Variants in EXOSC2 observed in about 807,000 individuals in gnomAD.
EXOSC2 encodes exosome complex component RRP4.
In EXOSC2, 29 loss-of-function variants were observed where a neutral mutation model predicts 37.6. The ratio of observed to expected loss-of-function variants is 0.77; its 90% CI spans 0.57 to 1.05. EXOSC2 has a LOEUF of 1.05. Ranked by LOEUF, EXOSC2 falls within the 50% of genes least tolerant of loss-of-function variation. The pLI, the probability that EXOSC2 is intolerant of heterozygous loss-of-function variation, is 0.00. For missense variants in EXOSC2, 346 were observed against 365.6 expected (o/e 0.95, Z 0.44); for synonymous variants, 119 against 131.1 (o/e 0.91, Z 0.63).
chr9:130,702,156 A>G lies in EXOSC2; in HGVS notation c.518A>G (p.Gln173Arg). Residue 173 changes from glutamine (Q) to arginine (R), a missense_variant, in exon 7 of 9, where the codon CAG (glutamine) becomes CGG (arginine). Gln to Arg is a conservative substitution (Grantham distance 43). Coordinates refer to ENST00000372358, the MANE Select transcript of EXOSC2 (RefSeq NM_014285.7). ...YGKLGQGVLVQVSPSLVKRQK... is the reference protein window; with the variant it reads ...YGKLGQGVLVRVSPSLVKRQK... The stretch of plus-strand genomic sequence containing the variant: ...TAGCTAGGTCAGGGGGTTTTGGTCC[A>G]GGTTTCCCCCTCCCTGGTGAAACGG... The G allele has an allele frequency of 1.9e-6, 3 of 1,614,086 alleles. No individual in the cohort carries two copies. The Middle Eastern group carries it at 5.0e-4, about 267-fold the overall frequency.
At chr9:130,697,749 G>T in intron 3 of EXOSC2, 122 bp downstream of exon 3, 1 of 899,752 alleles carries the variant, frequency 1.1e-6, no homozygotes, top group Non-Finnish European at 1.9e-6. Flanking sequence ...CCGTTGTGTG[G>T]CTTCTGATGT....
intron 7 of EXOSC2, 82 bp downstream of exon 7, chr9:130,702,392 G>C: frequency 8.1e-7 from 1 of 1,241,686 alleles, no homozygotes; most frequent in Non-Finnish European, 1.1e-6. Flanking sequence ...GAAGTTGGTT[G>C]TTTTTAGCTA....
chr9:130,693,912 C>A lies in EXOSC2; in HGVS notation c.121C>A (p.Arg41=). The A allele has an allele frequency of 6.2e-7, 1 of 1,603,594 alleles. No individual in the cohort carries two copies. Among genetic ancestry groups the A allele is most frequent in the Non-Finnish European group, 8.5e-7 (1 of 1,172,686 alleles). ...AATCACTACGGACACAGGATTCATG[C>A]GGTACGTGGGGACTTGGGGGAGTCG... ...DTITTDTGFM[R]GHGTYMGEEK... The change falls in exon 1 of 9, where the codon CGG becomes AGG. Residue 41 remains arginine, a splice_region_variant and synonymous_variant. Transcript: ENST00000372358.
At chr9:130,703,641 G>A in intron 8 of EXOSC2, 53 bp from the exon 9 acceptor site, 1 of 1,386,708 alleles carries the variant, frequency 7.2e-7, no homozygotes, top group Non-Finnish European at 1.0e-6. Flanking sequence ...TTGGCTTGGT[G>A]GTCTGTTTAT....
At chr9:130,700,507 G>A (rs1453463321) in intron 5 of EXOSC2, among the ~76,000 whole-genome samples, 1 of 151,528 alleles carries the variant, frequency 6.6e-6, no homozygotes, top group Non-Finnish European at 1.5e-5. Flanking sequence ...TTACAGGCAT[G>A]CGCCACTATG....
At chr9:130,695,133 A>G (rs1297405413) in intron 1 of EXOSC2, among the ~76,000 whole-genome samples, 1 of 152,192 alleles carries the variant, frequency 6.6e-6, no homozygotes, top group Non-Finnish European at 1.5e-5. Context: ...GGAGAGATAG[A>G]TAATAAGCGC....
chr9:130,701,178 T>G (rs1831208290), intron 6 of EXOSC2: 1 of 430,058 alleles, frequency 2.3e-6, no homozygotes, highest in Admixed American at 3.9e-5. Flanking sequence ...GAGACTGACT[T>G]TCACCAGAAG....
At position 130,703,084 on chromosome 9, in the gene EXOSC2, C is replaced by A; in HGVS notation, c.704C>A (p.Ser235Tyr). The A allele has an allele frequency of 6.2e-7, 1 of 1,613,840 alleles. No individual in the cohort carries two copies. ...PVSLADREVI[S>Y]RLRNCIISLV... ...TCTCTTGCTGATCGAGAGGTGATAT[C>A]CCGGCTTCGGAACTGCATCATCTCG... The change falls in exon 8 of 9, where the codon TCC becomes TAC. Residue 235 changes from serine to tyrosine, a missense_variant. Transcript: ENST00000372358.
rs372270213 is a variant in EXOSC2, at chr9:130,698,262, C to T, written c.360+11C>T. 1.4e-5 allele frequency: 23 copies of T among 1,612,998 alleles called. No homozygotes were observed. Among genetic ancestry groups the T allele is most frequent in the Non-Finnish European group, 1.8e-5 (21 of 1,179,588 alleles). On this transcript the variant is annotated intron_variant, in intron 4 of 8. Transcript: ENST00000372358. This position sits in a 1 kb window ranked among gnomAD's most constrained non-coding sequence, Gnocchi z 4.1. ...CCTGGAGGAGAGCTGGTAAGGGCTA[C>T]AGCTGGGGCCATGGACTAGGGCCCA...
rs1385429739 is a variant in EXOSC2, at chr9:130,694,183, C to T, written c.122+270C>T. On this transcript the variant is annotated intron_variant, in intron 1 of 8. Transcript: ENST00000372358. This position sits in a 1 kb window ranked among gnomAD's most constrained non-coding sequence, Gnocchi z 4.0. Reference sequence around the variant, plus strand: ...TGGGTCTTCTGCCTGAAGTCCAAATCTTTGATCCTTCCTTGTGGGAGACCT... The same window carrying T: ...TGGGTCTTCTGCCTGAAGTCCAAATTTTTGATCCTTCCTTGTGGGAGACCT... 6.6e-6 allele frequency among the ~76,000 whole-genome samples: 1 copy of T among 152,120 alleles called. No homozygotes were observed. Among genetic ancestry groups the T allele is most frequent in the African/African-American group, 2.4e-5 (1 of 41,428 alleles).
Position 130,698,646 on chromosome 9 carries a change from G to GT in EXOSC2, c.360+396dup, listed in dbSNP as rs771787722. Among the ~76,000 whole-genome samples the GT allele has an allele frequency of 2.6e-5, 4 of 152,204 alleles. No homozygotes were observed. Among genetic ancestry groups the GT allele is most frequent in the Non-Finnish European group, 2.9e-5 (2 of 68,036 alleles). On this transcript the variant is annotated intron_variant, in intron 4 of 8. Transcript: ENST00000372358. The surrounding 1 kb of genome is among the most constrained non-coding windows in gnomAD (Gnocchi z 4.1). ...CATTTCATTCAACCATGTGTGGAAT[G>GT]TGGTTGCTGGCATTCCAGACAACCA...
intron 2 of EXOSC2, 34 bp from the exon 3 acceptor site, chr9:130,697,548 C>T (rs752145475): frequency 6.2e-7 from 1 of 1,610,756 alleles, no homozygotes; most frequent in Non-Finnish European, 8.5e-7. Context: ...AGTCTGCTCA[C>T]AGATGGATGA....
At chr9:130,702,642 T>G (rs1447062131) in intron 7 of EXOSC2, among the ~76,000 whole-genome samples, 2 of 152,170 alleles carry the variant, frequency 1.3e-5, no homozygotes, top group African/African-American at 4.8e-5. Flanking sequence ...TCGCCCAGGC[T>G]GGAGTGCAGT....
rs1235101128 is a variant in EXOSC2 at position 130,694,542 on chromosome 9, G to A, written c.122+629G>A. ...AATAACAGTATGATACGGTAATGAG[G>A]ATTAAATGAGACAATTATGTAAGAA... is the stretch of plus-strand genomic sequence containing the variant. On this transcript the variant is annotated intron_variant, in intron 1 of 8. Transcript: ENST00000372358. This position sits in a 1 kb window ranked among gnomAD's most constrained non-coding sequence, Gnocchi z 4.0. 6.6e-6 allele frequency among the ~76,000 whole-genome samples: 1 copy of A among 152,064 alleles called. No individual in the cohort carries two copies. Among genetic ancestry groups the A allele is most frequent in the Non-Finnish European group, 1.5e-5 (1 of 67,998 alleles).
Position 130,695,558 on chromosome 9 carries a change from A to G in EXOSC2, c.189A>G (p.Val63=). ...CTGTTGCTGGCTCTGTGGAGAGAGTAAACAAGTTGATCTGTGTGAAAGCTT... is the reference window on the plus strand; with the variant it reads ...CTGTTGCTGGCTCTGTGGAGAGAGTGAACAAGTTGATCTGTGTGAAAGCTT... ...IASVAGSVER[V]NKLICVKALK... Residue 63 remains valine (V), a synonymous_variant, in exon 2 of 9, where the codon GTA becomes GTG. Coordinates refer to ENST00000372358, the MANE Select transcript of EXOSC2 (RefSeq NM_014285.7). 6.2e-7 allele frequency: 1 copy of G among 1,614,196 alleles called. No individual in the cohort carries two copies. Among genetic ancestry groups the G allele is most frequent in the Non-Finnish European group, 8.5e-7 (1 of 1,180,014 alleles).
Position 130,699,572 on chromosome 9 carries a change from C to T in EXOSC2, c.426+178C>T. ...GTCTCCTTAATTCAGGCTGACTCCC[C>T]AGCTCTTGTTGGGACCTGCTGCTAA... On this transcript the variant is annotated intron_variant, in intron 5 of 8. Coordinates refer to ENST00000372358, the MANE Select transcript of EXOSC2 (RefSeq NM_014285.7). 6.0e-6 allele frequency: 4 copies of T among 661,538 alleles called. No individual in the cohort carries two copies. The South Asian group carries it at 7.5e-5, about 12-fold the overall frequency. The allele number at this position is 661,538 out of a possible 1,614,324, so 41.0% of individuals were successfully genotyped here.
chr9:130,697,755 G>A (rs1476748470), intron 3 of EXOSC2, 128 bp downstream of exon 3: 2 of 854,222 alleles, frequency 2.3e-6, no homozygotes, highest in Non-Finnish European at 4.0e-6. Flanking sequence ...TGTGGCTTCT[G>A]ATGTAAATAT....
intron 8 of EXOSC2, 59 bp from the exon 9 acceptor site, chr9:130,703,635 C>A: frequency 1.5e-6 from 2 of 1,332,884 alleles, no homozygotes; most frequent in Non-Finnish European, 2.1e-6. Flanking sequence ...TTTGGATTGG[C>A]TTGGTGGTCT....
intron 5 of EXOSC2, among the ~76,000 whole-genome samples, chr9:130,699,984 G>A (rs554307092): frequency 1.2e-4 from 18 of 152,276 alleles, no homozygotes; most frequent in African/African-American, 4.1e-4. Context: ...TCCAGCTTGG[G>A]TGACAGAACA....
Sources: allele counts gnomAD v4.1 joint callset (sites outside exome capture counted in the v4.1 genomes callset), GRCh38; gene constraint gnomAD v4.1.1; non-coding constraint Gnocchi (gnomAD v3.1); transcripts MANE v1.5; gene names NCBI Gene and HGNC (gene_info 2026-07-23, HGNC 2026-07-21).